MMP26: variants seen among roughly 807,000 people sequenced by gnomAD.
The protein encoded by MMP26 is matrix metallopeptidase 26.
In MMP26, 33 loss-of-function variants were observed where a neutral mutation model predicts 31.0. The ratio of observed to expected loss-of-function variants is 1.06; its 90% CI spans 0.81 to 1.42. The LOEUF (loss-of-function observed/expected upper bound fraction) is 1.42. Ranked by LOEUF, MMP26 falls within the 40% of genes most tolerant of loss-of-function variation. The pLI is 0.00. For synonymous variants in MMP26, 122 were observed against 114.9 expected (o/e 1.06, Z -0.40); for missense variants, 347 against 316.1 (o/e 1.10, Z -0.74).
At chr11:4,920,684 A>G (rs1269585103) in intron 2 of MMP26, among the ~76,000 whole-genome samples, 2 of 152,180 alleles carry the variant, frequency 1.3e-5, no homozygotes, top group Non-Finnish European at 1.5e-5. Flanking sequence ...AGTTCTGTCA[A>G]GGACTTTTGT....
intron 2 of MMP26, among the ~76,000 whole-genome samples, chr11:4,974,966 G>C (rs1021626497): frequency 1.3e-5 from 2 of 151,926 alleles, no homozygotes; most frequent in Non-Finnish European, 2.9e-5. Context: ...GGTTGAGGTG[G>C]GGGGAGGGAG....
At chr11:4,924,024 TGAA>T (rs766644612) in intron 2 of MMP26, 1 of 1,614,038 alleles carries the variant, frequency 6.2e-7, no homozygotes, top group Admixed American at 1.7e-5. Flanking sequence ...AAGGTGTGGA[TGAA>T]GAAGAGCTGA....
In MMP26 at chr11:4,986,044, CATCT is replaced by C. The variant is rs149342266; in HGVS notation, c.-144-2015_-144-2012del. Among the ~76,000 whole-genome samples, 507 of 152,252 alleles carry C rather than the reference CATCT, an allele frequency of 3.3e-3. 4 individuals are homozygous for C. Among genetic ancestry groups the C allele is most frequent in the African/African-American group, 0.011 (471 of 41,548 alleles). ...TTGCCTGCTGCTGTTGAGTAGTAAC[CATCT>C]ATCTATCTCTCATCTATCTGTTGAC... On this transcript the variant is annotated intron_variant, in intron 2 of 7. Coordinates refer to ENST00000380390, the MANE Select transcript of MMP26 (RefSeq NM_021801.5).
intron 2 of MMP26, among the ~76,000 whole-genome samples, chr11:4,856,804 T>C (rs1200235741): frequency 2.0e-5 from 3 of 152,160 alleles, no homozygotes; most frequent in Non-Finnish European, 4.4e-5. Context: ...TATTCCAAAA[T>C]TGACCACATA....
At chr11:4,790,460 T>C (rs1339496943) in intron 2 of MMP26, among the ~76,000 whole-genome samples, 4 of 152,240 alleles carry the variant, frequency 2.6e-5, no homozygotes, top group South Asian at 2.1e-4. Context: ...CACTCTGGGA[T>C]TCAATTTTTT....
At chr11:4,818,322 G>T (rs554723994) in intron 2 of MMP26, among the ~76,000 whole-genome samples, 1 of 152,064 alleles carries the variant, frequency 6.6e-6, no homozygotes, top group Non-Finnish European at 1.5e-5. Context: ...CAGCTAGTTT[G>T]GTGATCGATA....
At chr11:4,944,934 C>A (rs1466343791) in intron 2 of MMP26, 8 of 152,002 alleles carry the variant, frequency 5.3e-5, no homozygotes, top group Non-Finnish European at 1.0e-4. Flanking sequence ...TAAATTCATT[C>A]ATTAGCAATT....
chr11:4,890,803 T>C (rs1445763606), intron 2 of MMP26, among the ~76,000 whole-genome samples: 1 of 151,950 alleles, frequency 6.6e-6, no homozygotes. Flanking sequence ...ACCAGAAATA[T>C]GGGTACTTGC....
At chr11:4,772,465 T>C (rs1848739194) in intron 2 of MMP26, among the ~76,000 whole-genome samples, 1 of 152,142 alleles carries the variant, frequency 6.6e-6, no homozygotes, top group Admixed American at 6.5e-5. Context: ...ATAGGGAGAA[T>C]GATAGATGTC....
chr11:4,803,817 C>T (rs1440998639), intron 2 of MMP26: 2 of 1,613,114 alleles, frequency 1.2e-6, no homozygotes, highest in Non-Finnish European at 1.7e-6. Context: ...ACACCAACTT[C>T]AGCACAGCCA....
At chr11:4,866,695 T>A (rs924081202) in intron 2 of MMP26, among the ~76,000 whole-genome samples, 3 of 152,152 alleles carry the variant, frequency 2.0e-5, no homozygotes, top group Admixed American at 6.6e-5. Context: ...ATTACAAGGC[T>A]ACAGTAACCA....
At chr11:4,812,247 TA>T (rs1849360097) in intron 2 of MMP26, among the ~76,000 whole-genome samples, 1 of 152,198 alleles carries the variant, frequency 6.6e-6, no homozygotes, top group Admixed American at 6.5e-5. Context: ...TGTATATGTA[TA>T]TGTGTAATAT....
chr11:4,721,304 A>G (rs1848008970), intron 1 of MMP26, among the ~76,000 whole-genome samples: 1 of 152,190 alleles, frequency 6.6e-6, no homozygotes, highest in East Asian at 1.9e-4. Context: ...AACTACAGCC[A>G]GCTAAATGCT....
intron 2 of MMP26, among the ~76,000 whole-genome samples, chr11:4,881,339 T>G (rs1335962996): frequency 6.6e-6 from 1 of 152,182 alleles, no homozygotes; most frequent in Non-Finnish European, 1.5e-5. Flanking sequence ...ATATCTGCTT[T>G]ATAAGCATCT....
At chr11:4,882,134 AC>A in intron 2 of MMP26, 30 of 1,613,754 alleles carry the variant, frequency 1.9e-5, no homozygotes, top group Non-Finnish European at 2.4e-5. Flanking sequence ...GACCATTACG[AC>A]CCTTCCCACT....
intron 2 of MMP26, among the ~76,000 whole-genome samples, chr11:4,851,149 C>T (rs947033903): frequency 2.0e-5 from 3 of 152,136 alleles, no homozygotes; most frequent in Admixed American, 6.6e-5. Flanking sequence ...TTTATTGAAA[C>T]GACTGAACTT....
chr11:4,853,099 A>G (rs1328527546), intron 2 of MMP26, among the ~76,000 whole-genome samples: 1 of 152,218 alleles, frequency 6.6e-6, no homozygotes. Context: ...ACTTACAGTT[A>G]TAAGATGTGT....
chr11:4,836,469 T>C (rs534201407), intron 2 of MMP26, among the ~76,000 whole-genome samples: 72 of 150,848 alleles, frequency 4.8e-4, no homozygotes, highest in African/African-American at 1.7e-3. Context: ...ATGATATGCA[T>C]AGTATTTTAT....
chr11:4,897,291 C>T (rs1418170533), intron 2 of MMP26, among the ~76,000 whole-genome samples: 1 of 152,104 alleles, frequency 6.6e-6, no homozygotes, highest in African/African-American at 2.4e-5. Context: ...AGACACATGC[C>T]ACCACGCCCA....
Sources: gnomAD v4.1 joint callset for allele counts (sites outside exome capture counted in the v4.1 genomes callset) on GRCh38, gnomAD v4.1.1 for gene constraint, MANE v1.5 for transcripts, NCBI Gene and HGNC (gene_info 2026-07-23, HGNC 2026-07-21) for gene names.